EDIL3: variants seen among roughly 807,000 people sequenced by gnomAD.
The protein encoded by EDIL3 is EGF like and discoidin domains 3, also known as EGF-like repeat and discoidin I-like domain-containing protein 3.
EDIL3 carries 37 observed loss-of-function variants against 67.4 expected under a neutral mutation model. That is an observed-to-expected ratio of 0.55 (90% CI 0.42 to 0.72). The LOEUF is 0.72. EDIL3 is among the 30% of genes least tolerant of loss of function. EDIL3 has a pLI of 0.00. For missense variants in EDIL3, 527 were observed against 586.3 expected, an observed-to-expected ratio of 0.90 and a Z score of 1.04; for synonymous variants, 195 against 196.3, an observed-to-expected ratio of 0.99 and a Z score of 0.05.
intron 1 of EDIL3, among the ~76,000 whole-genome samples, chr5:84,374,472 G>A (rs1310017963): frequency 2.0e-5 from 3 of 152,110 alleles, no homozygotes; most frequent in Admixed American, 6.5e-5. Flanking sequence ...AAATGCTTAC[G>A]AAATTTTAAC....
intron 1 of EDIL3, among the ~76,000 whole-genome samples, chr5:84,295,157 A>G (rs1309195544): frequency 3.3e-5 from 5 of 151,978 alleles, no homozygotes; most frequent in African/African-American, 1.2e-4. Context: ...TTCCCATGCT[A>G]TATATCATAA....
intron 9 of EDIL3, among the ~76,000 whole-genome samples, chr5:84,001,534 T>G (rs73144002): frequency 4.7e-4 from 71 of 151,976 alleles, no homozygotes; most frequent in African/African-American, 1.7e-3. Flanking sequence ...CTACAAACTT[T>G]TAGCCTTACT....
chr5:84,073,760 T>C lies in EDIL3; in HGVS notation c.652-7154A>G, dbSNP rs535092913. 2.6e-3 allele frequency among the ~76,000 whole-genome samples: 398 copies of C among 152,204 alleles called. 2 individuals carry two copies. The highest frequency in any genetic ancestry group is 9.3e-3 in the African/African-American group (387 of 41,510). On this transcript the variant is annotated intron_variant, in intron 6 of 10. Coordinates refer to ENST00000296591, the MANE Select transcript of EDIL3 (RefSeq NM_005711.5). ...GTAGGAAGAATCAATATCGTGAAAA[T>C]GGCCATACTGCCCAAGGTAATTTAT...
At chr5:84,243,204 C>G (rs1744833473) in intron 2 of EDIL3, among the ~76,000 whole-genome samples, 1 of 151,988 alleles carries the variant, frequency 6.6e-6, no homozygotes, top group African/African-American at 2.4e-5. Context: ...AGACTATCTG[C>G]CCACACACTT....
At chr5:84,145,647 T>C (rs1748279268) in intron 4 of EDIL3, among the ~76,000 whole-genome samples, 1 of 152,128 alleles carries the variant, frequency 6.6e-6, no homozygotes, top group Non-Finnish European at 1.5e-5. Context: ...GACTAGGTAG[T>C]AGGATGGCTA....
chr5:84,019,348 G>A (rs1399143828), intron 9 of EDIL3, among the ~76,000 whole-genome samples: 2 of 150,742 alleles, frequency 1.3e-5, no homozygotes, highest in African/African-American at 2.4e-5. Context: ...TGAACAATGA[G>A]AACACATGGA....
At chr5:84,040,562 G>A (rs925949456) in intron 9 of EDIL3, among the ~76,000 whole-genome samples, 6 of 150,020 alleles carry the variant, frequency 4.0e-5, no homozygotes, top group African/African-American at 1.5e-4. Context: ...TTACAGATAC[G>A]AAAACAGATC....
intron 6 of EDIL3, among the ~76,000 whole-genome samples, chr5:84,089,943 T>C (rs1297240729): frequency 6.6e-6 from 1 of 152,204 alleles, no homozygotes. Context: ...TTTTCGATGT[T>C]TTCATTATAT....
In EDIL3 at chr5:84,319,412, G is replaced by A. The variant is rs1199378768; in HGVS notation, c.67+64896C>T. ...CCAGAAGGCGGAGCTTGCAGTGAGC[G>A]GAGATCGCGCCACAGCACTCCCGCC... is the stretch of plus-strand genomic sequence containing the variant. On this transcript the variant is annotated intron_variant, in intron 1 of 10. Coordinates refer to ENST00000296591, the MANE Select transcript of EDIL3 (RefSeq NM_005711.5). 5.0e-5 allele frequency among the ~76,000 whole-genome samples: 5 copies of A among 99,204 alleles called. 1 individual carries two copies. The highest frequency in any genetic ancestry group is 2.4e-4 in the East Asian group (1 of 4,254). 65.1% of individuals were successfully genotyped at this position (99,204 alleles called of 152,430 possible).
chr5:84,233,356 A>G (rs2112047438), intron 2 of EDIL3, among the ~76,000 whole-genome samples: 1 of 152,330 alleles, frequency 6.6e-6, no homozygotes, highest in East Asian at 1.9e-4. Context: ...CGCCACGAAC[A>G]CTAAATATTG....
At chr5:84,242,879 A>G (rs1282294749) in intron 2 of EDIL3, among the ~76,000 whole-genome samples, 2 of 151,872 alleles carry the variant, frequency 1.3e-5, no homozygotes, top group East Asian at 3.9e-4. Flanking sequence ...TATGTGTAAC[A>G]GGCACAGCTT....
intron 1 of EDIL3, among the ~76,000 whole-genome samples, chr5:84,273,077 A>T (rs1386594551): frequency 2.2e-4 from 34 of 152,180 alleles, no homozygotes; most frequent in Non-Finnish European, 1.0e-4. Context: ...GGCTAAAAAG[A>T]CAAAAGCAGT....
rs957289587 is a variant in EDIL3, at chr5:83,967,740, T to A, written c.1138-4380A>T. On this transcript the variant is annotated intron_variant, in intron 9 of 10. Coordinates refer to ENST00000296591, the MANE Select transcript of EDIL3 (RefSeq NM_005711.5). ...CTGATCACAGCTCCCTGGAAGAAGA[T>A]GGGGCAGACTGGAAAATTAAGTTGA... Among the ~76,000 whole-genome samples the A allele has an allele frequency of 2.0e-5, 3 of 152,098 alleles. No individual in the cohort carries two copies. In the East Asian group the frequency reaches 5.8e-4, roughly 29 times the overall value.
intron 9 of EDIL3, among the ~76,000 whole-genome samples, chr5:84,059,535 T>C (rs1410800351): frequency 6.6e-6 from 1 of 152,192 alleles, no homozygotes; most frequent in Non-Finnish European, 1.5e-5. Context: ...TTTTAAATTG[T>C]TTTCATGATT....
chr5:84,195,911 T>A, intron 3 of EDIL3, among the ~76,000 whole-genome samples: 1 of 152,094 alleles, frequency 6.6e-6, no homozygotes, highest in Middle Eastern at 3.4e-3. Context: ...AAGGAGAAAC[T>A]TACCTCTTTT....
intron 2 of EDIL3, among the ~76,000 whole-genome samples, chr5:84,249,432 A>ATCG (rs1744979898): frequency 6.8e-6 from 1 of 146,420 alleles, no homozygotes; most frequent in African/African-American, 2.5e-5. Flanking sequence ...TCTATCTATC[A>ATCG]TCTATTTTTC....
chr5:83,942,892 T>G lies in EDIL3; in HGVS notation c.*527A>C, dbSNP rs1216446294. 3 of 156,788 alleles carry G rather than the reference T, an allele frequency of 1.9e-5. No individual in the cohort carries two copies. The highest frequency in any genetic ancestry group is 1.8e-4 in the Admixed American group (3 of 16,280). The allele number at this position is 156,788 out of a possible 1,614,324, so 9.7% of individuals were successfully genotyped here. A position where few individuals can be genotyped will look rare whatever the true frequency, so the allele number is the denominator to read the frequency against. ...TGAGAATTATAATATCAGTACTGCA[T>G]GTTACATATTCTTCTTTAAAATTTT... On this transcript the variant is annotated 3_prime_UTR_variant, in exon 11 of 11. Transcript: ENST00000296591.
intron 9 of EDIL3, among the ~76,000 whole-genome samples, chr5:84,014,516 G>A (rs183836938): frequency 3.4e-4 from 51 of 152,008 alleles, no homozygotes; most frequent in Non-Finnish European, 1.5e-4. Flanking sequence ...ATGATGACAC[G>A]CGCCTGTAGA....
chr5:84,250,807 T>C (rs905326769), intron 2 of EDIL3, among the ~76,000 whole-genome samples: 1 of 152,186 alleles, frequency 6.6e-6, no homozygotes. Context: ...CCTTTGGAAA[T>C]TAAAAATATA....
Sources: allele counts gnomAD v4.1 joint callset (sites outside exome capture counted in the v4.1 genomes callset), GRCh38; gene constraint gnomAD v4.1.1; transcripts MANE v1.5; gene names NCBI Gene and HGNC (gene_info 2026-07-23, HGNC 2026-07-21).